The following CHN2 variants were observed in gnomAD, a reference collection of about 807,000 sequenced individuals.
CHN2 encodes the protein beta-chimaerin.
In CHN2, 35 loss-of-function variants were observed where a neutral mutation model predicts 56.3. The observed-to-expected ratio is 0.62, with a 90% CI of 0.47 to 0.82. The LOEUF (loss-of-function observed/expected upper bound fraction) is 0.82. Ranked by LOEUF, CHN2 falls within the 40% of genes least tolerant of loss-of-function variation. The pLI, the probability that CHN2 is intolerant of heterozygous loss-of-function variation, is 0.00. For missense variants in CHN2, 491 were observed against 580.5 expected, an observed-to-expected ratio of 0.85 and a Z score of 1.58; for synonymous variants, 210 against 212.8, an observed-to-expected ratio of 0.99 and a Z score of 0.12.
At position 29,452,498 on chromosome 7, in the gene CHN2, T is replaced by C. The variant is rs151109362; in HGVS notation, c.577-27781T>C. 8.5e-5 allele frequency among the ~76,000 whole-genome samples: 13 copies of C among 152,350 alleles called. 1 individual carries two copies. In the East Asian group the frequency reaches 2.5e-3, roughly 29 times the overall value. ...TGCCTGTAATGTTCCTGCAGACACC[T>C]GCAGTACAGTATTCTCCTGCTTCCT... On this transcript the variant is annotated intron_variant, in intron 6 of 12. Coordinates refer to ENST00000222792, the MANE Select transcript of CHN2 (RefSeq NM_004067.4).
chr7:29,499,747 T>A, intron 8 of CHN2, 120 bp from the exon 9 acceptor site: 1 of 832,128 alleles, frequency 1.2e-6, no homozygotes, highest in South Asian at 2.1e-5. Flanking sequence ...ACGGGATAGA[T>A]GTTCCAGAGA....
chr7:29,228,301 T>G (rs39069), intron 1 of CHN2, among the ~76,000 whole-genome samples: 2 of 151,936 alleles, frequency 1.3e-5, no homozygotes, highest in Non-Finnish European at 2.9e-5. Flanking sequence ...AAGATTATAA[T>G]GCAGTATTTT....
chr7:29,264,354 G>A (rs1789932159), intron 1 of CHN2, among the ~76,000 whole-genome samples: 1 of 152,214 alleles, frequency 6.6e-6, no homozygotes, highest in South Asian at 2.1e-4. Context: ...TGACAATGGC[G>A]GTTTTGTGGA....
At chr7:29,443,220 G>A (rs896476711) in intron 6 of CHN2, among the ~76,000 whole-genome samples, 7 of 152,098 alleles carry the variant, frequency 4.6e-5, no homozygotes, top group African/African-American at 7.2e-5. Context: ...GATTACAGGC[G>A]TGAGCCACTG....
chr7:29,444,672 A>G (rs1783907914), intron 6 of CHN2, among the ~76,000 whole-genome samples: 1 of 152,232 alleles, frequency 6.6e-6, no homozygotes, highest in East Asian at 1.9e-4. Flanking sequence ...GCTAATGCCA[A>G]TCACAGGACT....
At chr7:29,282,355 A>G (rs1791786286) in intron 1 of CHN2, among the ~76,000 whole-genome samples, 1 of 152,186 alleles carries the variant, frequency 6.6e-6, no homozygotes, top group African/African-American at 2.4e-5. Context: ...TCATGTTTTT[A>G]AATACTGCTT....
intron 1 of CHN2, among the ~76,000 whole-genome samples, chr7:29,245,242 A>G (rs928705347): frequency 2.0e-5 from 3 of 152,222 alleles, no homozygotes; most frequent in African/African-American, 7.2e-5. Flanking sequence ...TGTAAATTCA[A>G]GGTGGATAGG....
intron 2 of CHN2, among the ~76,000 whole-genome samples, chr7:29,155,957 C>T (rs1282903685): frequency 3.9e-5 from 6 of 152,220 alleles, no homozygotes; most frequent in Non-Finnish European, 8.8e-5. Context: ...TGCTCTTGCA[C>T]AGCCTAGCCA....
intron 3 of CHN2, among the ~76,000 whole-genome samples, chr7:29,392,917 C>A (rs1801474293): frequency 6.6e-6 from 1 of 152,158 alleles, no homozygotes; most frequent in Admixed American, 6.5e-5. Context: ...TTTGAGTGTC[C>A]CTGGAGTTAG....
intron 2 of CHN2, chr7:29,147,362 G>GT (rs1792890350): frequency 5.9e-6 from 1 of 169,674 alleles, no homozygotes; most frequent in Non-Finnish European, 1.3e-5. Flanking sequence ...AGCTGCAGGA[G>GT]TGAGCCCAGG....
intron 6 of CHN2, among the ~76,000 whole-genome samples, chr7:29,407,758 G>A (rs1351711428): frequency 6.6e-6 from 1 of 152,226 alleles, no homozygotes; most frequent in Non-Finnish European, 1.5e-5. Context: ...ATGAGACTGG[G>A]TTTTGCCAAG....
intron 1 of CHN2, chr7:29,198,119 G>T: frequency 2.2e-6 from 1 of 448,804 alleles, no homozygotes; most frequent in Non-Finnish European, 4.5e-6. Context: ...TGTTCAGGTA[G>T]CAGTGGGTTT....
intron 1 of CHN2, among the ~76,000 whole-genome samples, chr7:29,198,693 C>T (rs370644543): frequency 3.9e-5 from 6 of 152,230 alleles, no homozygotes; most frequent in African/African-American, 1.2e-4. Flanking sequence ...AGATAAACAA[C>T]GGCCAATTTG....
rs151255201 is a variant in CHN2, at chr7:29,313,766, A to T, written c.50-40859A>T. On this transcript the variant is annotated intron_variant, in intron 1 of 12. Transcript: ENST00000222792. ...CTCCCCTCTGGCTCTTCGTGTTCATACCCTTTATCTCCTCTACAGCAGAGA... is the reference window on the plus strand; with the variant it reads ...CTCCCCTCTGGCTCTTCGTGTTCATTCCCTTTATCTCCTCTACAGCAGAGA... Among the ~76,000 whole-genome samples the T allele has an allele frequency of 1.0e-3, 156 of 152,154 alleles. 1 individual carries two copies. Among genetic ancestry groups the T allele is most frequent in the African/African-American group, 3.3e-3 (139 of 41,504 alleles).
At chr7:29,183,382 C>A (rs946221423) in intron 2 of CHN2, among the ~76,000 whole-genome samples, 1 of 148,748 alleles carries the variant, frequency 6.7e-6, no homozygotes, top group Non-Finnish European at 1.5e-5. Context: ...CCGTGCCTAG[C>A]CTTTTTTTTT....
At position 29,500,155 on chromosome 7, in the gene CHN2, G is replaced by C. The variant is rs1036389213; in HGVS notation, c.913+115G>C. The C allele has an allele frequency of 8.9e-6, 6 of 671,970 alleles. No homozygotes were observed. In the South Asian group the frequency reaches 1.6e-4, roughly 18 times the overall value. The allele number at this position is 671,970 out of a possible 1,614,324, so 41.6% of individuals were successfully genotyped here. On this transcript the variant is annotated intron_variant, in intron 9 of 12. Coordinates refer to ENST00000222792, the MANE Select transcript of CHN2 (RefSeq NM_004067.4). The stretch of plus-strand genomic sequence containing the variant: ...TACTCTTGTTGGGAAAATGACCTAC[G>C]CATGTGTGCGCACACACACACTCTC...
Position 29,339,581 on chromosome 7 carries a change from G to A in CHN2, c.50-15044G>A, listed in dbSNP as rs558419373. 6.6e-5 allele frequency among the ~76,000 whole-genome samples: 10 copies of A among 152,196 alleles called. No homozygotes were observed. The East Asian group carries it at 9.6e-4, about 15-fold the overall frequency. ...TATTATAACAATGCTAGCCGGGCAC[G>A]GTGGCTCACGCCTATAATCCCAGCA... is the stretch of plus-strand genomic sequence containing the variant. On this transcript the variant is annotated intron_variant, in intron 1 of 12. Coordinates refer to ENST00000222792, the MANE Select transcript of CHN2 (RefSeq NM_004067.4).
chr7:29,460,822 G>A (rs1206708997), intron 6 of CHN2, among the ~76,000 whole-genome samples: 1 of 152,196 alleles, frequency 6.6e-6, no homozygotes, highest in Non-Finnish European at 1.5e-5. Flanking sequence ...TCGGGCTTCT[G>A]GAAGCCTTGT....
At chr7:29,446,378 G>GGT (rs1221219932) in intron 6 of CHN2, among the ~76,000 whole-genome samples, 4 of 152,154 alleles carry the variant, frequency 2.6e-5, no homozygotes, top group Non-Finnish European at 5.9e-5. Flanking sequence ...CCCTGCCTTA[G>GGT]GTCCCTACTA....
Sources: allele counts gnomAD v4.1 joint callset (sites outside exome capture counted in the v4.1 genomes callset), GRCh38; gene constraint gnomAD v4.1.1; transcripts MANE v1.5; gene names NCBI Gene and HGNC (gene_info 2026-07-23, HGNC 2026-07-21).